The following CNOT6L variants were observed in gnomAD, a reference collection of about 807,000 sequenced individuals.
CNOT6L encodes the protein CCR4-NOT transcription complex subunit 6-like.
CNOT6L carries 7 observed loss-of-function variants against 64.0 expected under a neutral mutation model. That is an observed-to-expected ratio of 0.11 (90% CI 0.06 to 0.21). CNOT6L has a LOEUF of 0.21. Ranked by LOEUF, CNOT6L falls within the 10% of genes least tolerant of loss-of-function variation. CNOT6L has a pLI of 1.00. For synonymous variants in CNOT6L, 193 were observed against 243.4 expected (o/e 0.79, Z 1.93); for missense variants, 245 against 669.0 (o/e 0.37, Z 6.99).
At chr4:77,739,350 T>C (rs180933499) in intron 8 of CNOT6L, among the ~76,000 whole-genome samples, 374 of 152,320 alleles carry the variant, frequency 2.5e-3, no homozygotes, top group African/African-American at 7.1e-3. Flanking sequence ...TTTGTTAGTT[T>C]TGTAACCTCT....
At chr4:77,733,558 A>G (rs1007676229) in intron 8 of CNOT6L, among the ~76,000 whole-genome samples, 1 of 152,080 alleles carries the variant, frequency 6.6e-6, no homozygotes, top group African/African-American at 2.4e-5. Flanking sequence ...CTTCTATGGT[A>G]TACTTACAGG....
intron 4 of CNOT6L, among the ~76,000 whole-genome samples, chr4:77,770,978 C>T (rs1727474543): frequency 6.6e-6 from 1 of 152,138 alleles, no homozygotes; most frequent in Non-Finnish European, 1.5e-5. Context: ...CTAACAGTTG[C>T]TTTTTCAGGA....
chr4:77,735,698 A>G (rs1227950588), intron 8 of CNOT6L, among the ~76,000 whole-genome samples: 1 of 152,182 alleles, frequency 6.6e-6, no homozygotes, highest in Non-Finnish European at 1.5e-5. Context: ...AAAGCAAAAC[A>G]TAAATTGTAT....
Position 77,763,454 on chromosome 4 carries a change from A to G in CNOT6L, c.401-6503T>C, listed in dbSNP as rs145303855. On this transcript the variant is annotated intron_variant, in intron 4 of 11. Coordinates refer to ENST00000504123, the MANE Select transcript of CNOT6L (RefSeq NM_144571.3). ...CAATTCACCAAAAGACACTAGCATC[A>G]TAAGATTATAACAATATTAAGTGGG... Among the ~76,000 whole-genome samples the G allele has an allele frequency of 2.0e-5, 3 of 152,256 alleles. No individual in the cohort carries two copies. In the East Asian group the frequency reaches 5.8e-4, roughly 29 times the overall value.
At chr4:77,810,607 T>C (rs992115816) in intron 1 of CNOT6L, among the ~76,000 whole-genome samples, 3 of 152,172 alleles carry the variant, frequency 2.0e-5, no homozygotes, top group Admixed American at 1.3e-4. Flanking sequence ...GTAATCAGCA[T>C]ATCCATCATC....
At chr4:77,728,454 G>C (rs1406082762) in intron 10 of CNOT6L, among the ~76,000 whole-genome samples, 2 of 152,106 alleles carry the variant, frequency 1.3e-5, no homozygotes, top group African/African-American at 2.4e-5. Flanking sequence ...TATTTCCCTG[G>C]CTCCCTTCTT....
At chr4:77,788,296 C>A (rs1242915915) in intron 1 of CNOT6L, among the ~76,000 whole-genome samples, 1 of 152,130 alleles carries the variant, frequency 6.6e-6, no homozygotes, top group Non-Finnish European at 1.5e-5. Flanking sequence ...ATTCAAACCT[C>A]CTGTACATTA....
At chr4:77,810,888 C>T (rs1255005253) in intron 1 of CNOT6L, among the ~76,000 whole-genome samples, 1 of 151,968 alleles carries the variant, frequency 6.6e-6, no homozygotes, top group Non-Finnish European at 1.5e-5. Flanking sequence ...AGTGAGAATA[C>T]GTGGTGTTTT....
At chr4:77,732,380 TA>T (rs1473144040) in intron 8 of CNOT6L, among the ~76,000 whole-genome samples, 4 of 152,128 alleles carry the variant, frequency 2.6e-5, no homozygotes, top group Non-Finnish European at 4.4e-5. Flanking sequence ...GAAATATTTA[TA>T]AGTAATCAAA....
At chr4:77,754,888 T>TAAAAAAAAAGAAAAAAAAAAAAAAAAA (rs1725295594) in intron 5 of CNOT6L, among the ~76,000 whole-genome samples, 1 of 36,956 alleles carries the variant, frequency 2.7e-5, no homozygotes, top group Non-Finnish European at 4.7e-5. Flanking sequence ...ACATTAGAAG[T>TAAAAAAAAAGAAAAAAAAAAAAAAAAA]AAAAAAAAAA....
intron 1 of CNOT6L, among the ~76,000 whole-genome samples, chr4:77,808,331 G>A (rs1328766815): frequency 6.6e-6 from 1 of 151,706 alleles, no homozygotes; most frequent in African/African-American, 2.4e-5. Context: ...GTGTGGTGGT[G>A]TGCGCCTGTA....
chr4:77,779,074 C>CAAAAAAAA (rs1560420025), intron 1 of CNOT6L, among the ~76,000 whole-genome samples: 2 of 74,154 alleles, frequency 2.7e-5, no homozygotes, highest in East Asian at 3.2e-4. Context: ...AAAAAAAAAA[C>CAAAAAAAA]ACAAAAAACA....
chr4:77,808,326 G>T (rs1732486443), intron 1 of CNOT6L, among the ~76,000 whole-genome samples: 1 of 151,978 alleles, frequency 6.6e-6, no homozygotes, highest in Admixed American at 6.6e-5. Context: ...GCCGGGTGTG[G>T]TGGTGTGCGC....
intron 1 of CNOT6L, among the ~76,000 whole-genome samples, chr4:77,791,615 T>G (rs1007470841): frequency 3.9e-5 from 6 of 152,308 alleles, no homozygotes; most frequent in African/African-American, 7.2e-5. Flanking sequence ...CTAATACTAA[T>G]GCATATAATT....
chr4:77,722,813 T>C (rs1274411523), intron 11 of CNOT6L, among the ~76,000 whole-genome samples: 1 of 152,154 alleles, frequency 6.6e-6, no homozygotes, highest in Non-Finnish European at 1.5e-5. Flanking sequence ...TTTGATCATA[T>C]GCACAAAAAA....
intron 1 of CNOT6L, among the ~76,000 whole-genome samples, chr4:77,803,682 T>C (rs1442872805): frequency 6.6e-6 from 1 of 152,126 alleles, no homozygotes; most frequent in African/African-American, 2.4e-5. Flanking sequence ...GGCAGGTAGA[T>C]AACCTGAGAA....
intron 4 of CNOT6L, among the ~76,000 whole-genome samples, chr4:77,764,818 G>C (rs560019352): frequency 7.2e-5 from 11 of 152,262 alleles, no homozygotes; most frequent in African/African-American, 2.4e-4. Flanking sequence ...CATCGCCCCT[G>C]TTCAGCATGA....
At chr4:77,732,571 C>T (rs1369388847) in intron 8 of CNOT6L, among the ~76,000 whole-genome samples, 2 of 152,064 alleles carry the variant, frequency 1.3e-5, no homozygotes, top group Non-Finnish European at 2.9e-5. Context: ...TCCCTTCCCT[C>T]CTCCAATTCT....
chr4:77,747,005 C>A (rs1289919611), intron 6 of CNOT6L, among the ~76,000 whole-genome samples: 1 of 151,108 alleles, frequency 6.6e-6, no homozygotes, highest in African/African-American at 2.4e-5. Flanking sequence ...CAAATAGAAC[C>A]ATGAAGAGGC....
Sources: allele counts gnomAD v4.1 joint callset (sites outside exome capture counted in the v4.1 genomes callset), GRCh38; gene constraint gnomAD v4.1.1; transcripts MANE v1.5; gene names NCBI Gene and HGNC (gene_info 2026-07-23, HGNC 2026-07-21).